Variants in ERC1 observed in about 807,000 individuals in gnomAD.
The protein encoded by ERC1 is RAB6 interacting protein 2.
ERC1 carries 56 observed loss-of-function variants against 132.0 expected under a neutral mutation model. The ratio of observed to expected loss-of-function variants is 0.42; its 90% CI spans 0.34 to 0.53. ERC1 has a LOEUF of 0.53. Ranked by LOEUF, ERC1 falls within the 20% of genes least tolerant of loss-of-function variation. ERC1 has a pLI of 0.03. For synonymous variants in ERC1, 478 were observed against 476.1 expected (o/e 1.00, Z -0.05); for missense variants, 1,202 against 1,349.9 (o/e 0.89, Z 1.72).
intron 7 of ERC1, among the ~76,000 whole-genome samples, chr12:1,138,152 T>A (rs1367856557): frequency 1.4e-4 from 17 of 118,136 alleles, no homozygotes; most frequent in Admixed American, 3.9e-4. Context: ...TTATATTTAT[T>A]TACATAATAT....
chr12:1,177,067 GA>G (rs1354770440), intron 8 of ERC1, among the ~76,000 whole-genome samples: 1 of 152,150 alleles, frequency 6.6e-6, no homozygotes, highest in Non-Finnish European at 1.5e-5. Flanking sequence ...CTGCTAGCTT[GA>G]AACTTTTCTC....
chr12:1,253,676 C>G (rs999167712), intron 13 of ERC1, among the ~76,000 whole-genome samples: 2 of 150,560 alleles, frequency 1.3e-5, no homozygotes, highest in African/African-American at 4.9e-5. Flanking sequence ...AACTGCATCT[C>G]AAAGAAAAAA....
rs377414189 is a variant in ERC1, at chr12:1,190,093, A to G, written c.2351+41A>G. The G allele has an allele frequency of 6.7e-5, 103 of 1,537,568 alleles. No individual in the cohort carries two copies. In the African/African-American group the frequency reaches 9.0e-4, roughly 13 times the overall value. ...TGATTGGGGCTTATGAGGTTAAAGTATGGTTTTAAAAGTATGCTTTTGGGG... is the reference window on the plus strand; with the variant it reads ...TGATTGGGGCTTATGAGGTTAAAGTGTGGTTTTAAAAGTATGCTTTTGGGG... On this transcript the variant is annotated intron_variant, in intron 12 of 18. Coordinates refer to ENST00000360905, the MANE Select transcript of ERC1 (RefSeq NM_178040.4).
intron 16 of ERC1, among the ~76,000 whole-genome samples, chr12:1,373,201 T>TC (rs2087456654): frequency 6.6e-6 from 1 of 152,348 alleles, no homozygotes; most frequent in South Asian, 2.1e-4. Context: ...AAGACATCCG[T>TC]CCAGTAGTTG....
chr12:1,040,320 TTTTC>T (rs1345509636), intron 2 of ERC1, among the ~76,000 whole-genome samples: 1 of 150,400 alleles, frequency 6.6e-6, no homozygotes, highest in African/African-American at 2.4e-5. Flanking sequence ...TTTTTTTCTT[TTTTC>T]TTTTTTTTTT....
chr12:1,035,806 C>T (rs1294395251), intron 2 of ERC1, among the ~76,000 whole-genome samples: 1 of 151,944 alleles, frequency 6.6e-6, no homozygotes, highest in African/African-American at 2.4e-5. Flanking sequence ...CCTGTAGTCC[C>T]AGCTACTCGG....
intron 8 of ERC1, among the ~76,000 whole-genome samples, chr12:1,166,947 CAT>C (rs1376254270): frequency 6.6e-6 from 1 of 152,166 alleles, no homozygotes; most frequent in Non-Finnish European, 1.5e-5. Flanking sequence ...AATTTTGACT[CAT>C]TAAACATTAT....
At chr12:1,031,473 C>T (rs990055347) in intron 2 of ERC1, among the ~76,000 whole-genome samples, 3 of 152,054 alleles carry the variant, frequency 2.0e-5, no homozygotes, top group African/African-American at 7.2e-5. Flanking sequence ...TAGTTAATAT[C>T]ACAGGGCCAA....
intron 14 of ERC1, among the ~76,000 whole-genome samples, chr12:1,266,241 G>A (rs2077469005): frequency 6.6e-6 from 1 of 151,954 alleles, no homozygotes; most frequent in Non-Finnish European, 1.5e-5. Context: ...AAGCTGTTGC[G>A]TGAAATATTG....
intron 18 of ERC1, among the ~76,000 whole-genome samples, chr12:1,485,201 C>CTCTTTTCTTT (rs1555129709): frequency 1.0e-5 from 1 of 96,378 alleles, no homozygotes; most frequent in African/African-American, 4.4e-5. Context: ...GTTTATATTT[C>CTCTTTTCTTT]TTTTTTTTTT....
At chr12:1,195,204 T>C (rs1185257245) in intron 12 of ERC1, among the ~76,000 whole-genome samples, 1 of 152,206 alleles carries the variant, frequency 6.6e-6, no homozygotes, top group Non-Finnish European at 1.5e-5. Flanking sequence ...ACTACCACCA[T>C]GATCAAGATA....
intron 15 of ERC1, among the ~76,000 whole-genome samples, chr12:1,290,441 G>A (rs1425830469): frequency 1.3e-5 from 2 of 152,116 alleles, no homozygotes; most frequent in African/African-American, 2.4e-5. Context: ...CTGTCTCCAA[G>A]ATTCAGTAGT....
intron 15 of ERC1, among the ~76,000 whole-genome samples, chr12:1,323,097 A>C (rs1351604288): frequency 6.6e-6 from 1 of 152,164 alleles, no homozygotes. Context: ...GAGGGCTCAA[A>C]TTGGTATAGA....
At chr12:1,471,079 G>A (rs979382092) in intron 18 of ERC1, among the ~76,000 whole-genome samples, 17 of 151,968 alleles carry the variant, frequency 1.1e-4, no homozygotes, top group Non-Finnish European at 2.2e-4. Flanking sequence ...CCAAACTCCC[G>A]TGCTATTCAG....
chr12:1,152,968 C>T (rs1950969744), intron 8 of ERC1: 1 of 152,382 alleles, frequency 6.6e-6, no homozygotes, highest in African/African-American at 2.4e-5. Context: ...CTGGAAGTTC[C>T]CAGCTCCTAA....
chr12:1,170,342 T>A (rs2968873), intron 8 of ERC1, among the ~76,000 whole-genome samples: 3,023 of 152,310 alleles, frequency 0.02, 87 homozygotes, highest in African/African-American at 0.069. Flanking sequence ...TGGATTTTTT[T>A]AAAAAATTAA....
intron 8 of ERC1, among the ~76,000 whole-genome samples, chr12:1,172,692 G>A (rs901352265): frequency 2.6e-5 from 4 of 151,730 alleles, no homozygotes; most frequent in Non-Finnish European, 4.4e-5. Context: ...TTCTATGTCA[G>A]GGAGAGTTTA....
chr12:1,223,100 G>T (rs2074299562), intron 12 of ERC1, among the ~76,000 whole-genome samples: 1 of 152,200 alleles, frequency 6.6e-6, no homozygotes, highest in African/African-American at 2.4e-5. Flanking sequence ...ACTAGGAATT[G>T]TGGATTTTGA....
intron 3 of ERC1, among the ~76,000 whole-genome samples, chr12:1,090,832 C>CGTTATTATT (rs372845329): frequency 2.6e-4 from 2 of 7,776 alleles, no homozygotes; most frequent in African/African-American, 3.4e-4. Context: ...ATGCCTGGCC[C>CGTTATTATT]ATTATTATTA....
Sources: allele counts gnomAD v4.1 joint callset (sites outside exome capture counted in the v4.1 genomes callset), GRCh38; gene constraint gnomAD v4.1.1; transcripts MANE v1.5; gene names NCBI Gene and HGNC (gene_info 2026-07-23, HGNC 2026-07-21).